TET3: variants seen among roughly 807,000 people sequenced by gnomAD.
TET3 encodes methylcytosine dioxygenase TET3.
In TET3, 19 loss-of-function variants were observed where a neutral mutation model predicts 141.4. The observed-to-expected ratio is 0.13, with a 90% CI of 0.09 to 0.20. The LOEUF (loss-of-function observed/expected upper bound fraction) is 0.20. TET3 is among the 10% of genes least tolerant of loss of function. The pLI, the probability that TET3 is intolerant of heterozygous loss-of-function variation, is 1.00. For synonymous variants in TET3, 1,043 were observed against 980.9 expected, an observed-to-expected ratio of 1.06 and a Z score of -1.18; for missense variants, 1,874 against 2,356.9, an observed-to-expected ratio of 0.80 and a Z score of 4.24.
Position 74,107,516 on chromosome 2 carries a change from T to C in TET3, c.*5340T>C, listed in dbSNP as rs1691564595. On this transcript the variant is annotated 3_prime_UTR_variant, in exon 12 of 12. Coordinates refer to ENST00000409262, the MANE Select transcript of TET3 (RefSeq NM_001287491.2). ...TGTGAACATTCCAAATTTTCTTGGT[T>C]TCAATACCCTTTTTTTTCTTTTGAG... is the stretch of plus-strand genomic sequence containing the variant. 6.6e-6 allele frequency: 1 copy of C among 152,218 alleles called. No homozygotes were observed. Among genetic ancestry groups the C allele is most frequent in the Non-Finnish European group, 1.5e-5 (1 of 68,042 alleles). 9.4% of individuals were successfully genotyped at this position (152,218 alleles called of 1,614,324 possible). A position where few individuals can be genotyped will look rare whatever the true frequency, so the allele number is the denominator to read the frequency against.
At chr2:74,122,457 A>ATGTGTGTGTGTGTG in the TET3 span, 22 of 127,502 alleles carry the variant, frequency 1.7e-4, no homozygotes, top group African/African-American at 4.7e-4. Flanking sequence ...AAATATATAT[A>ATGTGTGTGTGTGTG]TGTGTGTGTG....
At chr2:74,113,088 G>A (rs566344748), downstream of TET3, among the ~76,000 whole-genome samples, 1 of 143,232 alleles carries the variant, frequency 7.0e-6, no homozygotes, top group East Asian at 2.1e-4. Context: ...TTTCCTCTGA[G>A]AACTGGAACA....
chr2:74,068,259 T>C (rs973529911), intron 4 of TET3, among the ~76,000 whole-genome samples: 6 of 151,690 alleles, frequency 4.0e-5, no homozygotes, highest in African/African-American at 1.5e-4. Flanking sequence ...CTGCTATTCT[T>C]AGAGTTCGTA....
At chr2:74,062,297 CAA>C (rs1402901586) in intron 4 of TET3, among the ~76,000 whole-genome samples, 1 of 152,204 alleles carries the variant, frequency 6.6e-6, no homozygotes, top group Non-Finnish European at 1.5e-5. Context: ...TGCAAGAACT[CAA>C]ATTTTCTAGA....
intron 3 of TET3, among the ~76,000 whole-genome samples, chr2:74,022,728 G>A (rs1346495484): frequency 6.6e-6 from 1 of 152,068 alleles, no homozygotes; most frequent in Non-Finnish European, 1.5e-5. Flanking sequence ...TTACTACAAT[G>A]CATTTTCAAA....
intron 2 of TET3, among the ~76,000 whole-genome samples, chr2:73,989,835 A>T (rs1684237401): frequency 6.6e-6 from 1 of 152,132 alleles, no homozygotes; most frequent in African/African-American, 2.4e-5. Flanking sequence ...AGCACAGTGG[A>T]TAGGGCTGAG....
chr2:74,116,007 G>A, the TET3 span, among the ~76,000 whole-genome samples: 3,614 of 138,676 alleles, frequency 0.026, 54 homozygotes, highest in Middle Eastern at 0.042. Context: ...ACTGAGATCT[G>A]GTCTCAAAAA....
the TET3 span, among the ~76,000 whole-genome samples, chr2:74,115,386 T>G: frequency 6.6e-6 from 1 of 151,980 alleles, no homozygotes; most frequent in South Asian, 2.1e-4. Context: ...AAAAGGAATA[T>G]AGAGAGGTAT....
the TET3 span, among the ~76,000 whole-genome samples, chr2:74,118,595 G>T: frequency 1.3e-5 from 2 of 152,198 alleles, no homozygotes; most frequent in Middle Eastern, 3.4e-3. Context: ...AGTTTTTGGG[G>T]AGTCAAAATG....
At chr2:74,045,038 A>G (rs76911799) in intron 3 of TET3, among the ~76,000 whole-genome samples, 2,245 of 152,318 alleles carry the variant, frequency 0.015, 24 homozygotes, top group Middle Eastern at 0.044. Context: ...CAAAGTCAAG[A>G]AAAACAATAC....
chr2:74,074,508 A>T (rs1183845714), intron 5 of TET3, among the ~76,000 whole-genome samples: 1 of 151,970 alleles, frequency 6.6e-6, no homozygotes, highest in East Asian at 1.9e-4. Flanking sequence ...AGACTTGGAA[A>T]CCCATGTGCG....
intron 4 of TET3, among the ~76,000 whole-genome samples, chr2:74,072,105 C>G (rs1483154185): frequency 6.6e-6 from 1 of 152,198 alleles, no homozygotes; most frequent in Non-Finnish European, 1.5e-5. Context: ...CAGCCCCCAG[C>G]CTCTGGCAAC....
chr2:74,100,894 T>A lies in TET3; in HGVS notation c.4106T>A (p.Leu1369His), dbSNP rs1382121445. The change falls in exon 12 of 12, where the codon CTT becomes CAT. Residue 1369 changes from leucine (L) to histidine (H), a missense_variant. Coordinates refer to ENST00000409262, the MANE Select transcript of TET3 (RefSeq NM_001287491.2). The stretch of plus-strand genomic sequence containing the variant: ...TACCCAGGCCCCAAGGAGTATCTGC[T>A]TCCCAAGGCCCCCCTACTCCACTCA... The part of the protein sequence containing the change: ...PAYPGPKEYL[L>H]PKAPLLHSVS... 1 of 1,610,242 alleles carries A rather than the reference T, an allele frequency of 6.2e-7. No individual in the cohort carries two copies.
Position 74,101,006 on chromosome 2 carries a change from G to T in TET3, c.4218G>T (p.Gln1406His). Residue 1406 changes from glutamine (Q) to histidine (H), a missense_variant, in exon 12 of 12, where the codon CAG becomes CAT. This residue lies in a region of TET3 where 602 missense variants were observed against 590.2 expected (regional missense o/e 1.02). Coordinates refer to ENST00000409262, the MANE Select transcript of TET3 (RefSeq NM_001287491.2). This position sits in a 1 kb window ranked among gnomAD's most constrained non-coding sequence, Gnocchi z 8.5. Reference protein sequence around the residue: ...IKQEPVDPLTQAEPVPRDAGK... With the variant: ...IKQEPVDPLTHAEPVPRDAGK... ...AAGAGCCAGTAGACCCGCTGACCCAGGCTGAGCCTGTGCCCAGAGACGCTG... is the reference window on the plus strand; with the variant it reads ...AAGAGCCAGTAGACCCGCTGACCCATGCTGAGCCTGTGCCCAGAGACGCTG... The T allele has an allele frequency of 1.2e-6, 2 of 1,613,062 alleles. No individual in the cohort carries two copies. The highest frequency in any genetic ancestry group is 1.7e-6 in the Non-Finnish European group (2 of 1,179,574).
chr2:74,105,878 TATG>T lies in TET3; in HGVS notation c.*3705_*3707del, dbSNP rs1691471274. On this transcript the variant is annotated 3_prime_UTR_variant, in exon 12 of 12. Transcript: ENST00000409262. Reference sequence around the variant, plus strand: ...CCAAGGCAAAGCTGGTGGAAAACTATATGATATCCCTGACGTGCCTCAACCAGT... The same window carrying T: ...CCAAGGCAAAGCTGGTGGAAAACTATATATCCCTGACGTGCCTCAACCAGT... The T allele has an allele frequency of 6.5e-6, 1 of 154,820 alleles. No individual in the cohort carries two copies. The highest frequency in any genetic ancestry group is 1.5e-5 in the Non-Finnish European group (1 of 68,852). 9.6% of individuals were successfully genotyped at this position (154,820 alleles called of 1,614,324 possible).
intron 3 of TET3, among the ~76,000 whole-genome samples, chr2:74,015,694 A>G (rs1685691936): frequency 6.6e-6 from 1 of 152,234 alleles, no homozygotes; most frequent in South Asian, 2.1e-4. Flanking sequence ...ATATATTTGT[A>G]TATAGATTTT....
chr2:74,057,099 C>G (rs1430668593), intron 4 of TET3, among the ~76,000 whole-genome samples: 1 of 152,166 alleles, frequency 6.6e-6, no homozygotes, highest in Non-Finnish European at 1.5e-5. Flanking sequence ...ATCCTAAGAG[C>G]TGGCTTTGTA....
chr2:74,093,706 CT>C lies in TET3; in HGVS notation c.3267+41del, dbSNP rs780482782. The C allele has an allele frequency of 1.3e-5, 20 of 1,523,544 alleles. No individual in the cohort carries two copies. Among genetic ancestry groups the C allele is most frequent in the Non-Finnish European group, 1.8e-5 (20 of 1,126,768 alleles). The allele number at this position is 1,523,544 out of a possible 1,614,324, so 94.4% of individuals were successfully genotyped here. A position where few individuals can be genotyped will look rare whatever the true frequency, so the allele number is the denominator to read the frequency against. ...TGTCATAGCCCCACCTGTGGGGCAA[CT>C]GTGGGAGGGAGTCCACCGTGGTCTT... On this transcript the variant is annotated intron_variant, in intron 10 of 11. Transcript: ENST00000409262. This position sits in a 1 kb window ranked among gnomAD's most constrained non-coding sequence, Gnocchi z 4.2.
At chr2:74,133,815 G>A in the TET3 span, among the ~76,000 whole-genome samples, 10 of 152,276 alleles carry the variant, frequency 6.6e-5, no homozygotes. Context: ...CACAATCTTG[G>A]TTCACTGCAA....
Sources: gnomAD v4.1 joint callset for allele counts (sites outside exome capture counted in the v4.1 genomes callset) on GRCh38, gnomAD v4.1.1 for gene constraint, gnomAD v4.1.1 regional missense constraint, Gnocchi (gnomAD v3.1) non-coding constraint, MANE v1.5 for transcripts, NCBI Gene and HGNC (gene_info 2026-07-23, HGNC 2026-07-21) for gene names.